MMRN1: variants seen among roughly 807,000 people sequenced by gnomAD.
The protein encoded by MMRN1 is multimerin 1, also known as multimerin-1.
A neutral mutation model predicts 100.7 loss-of-function variants in MMRN1; 94 were observed. The ratio of observed to expected loss-of-function variants is 0.93; its 90% confidence interval spans 0.79 to 1.11. The LOEUF is 1.11. Ranked by LOEUF, MMRN1 falls within the 50% of genes least tolerant of loss-of-function variation. MMRN1 has a pLI of 0.00. For synonymous variants in MMRN1, 575 were observed against 505.0 expected (o/e 1.14, Z -1.86); for missense variants, 1,606 against 1,439.1 (o/e 1.12, Z -1.88).
chr4:89,899,689 A>G (rs1353574436), intron 1 of MMRN1, among the ~76,000 whole-genome samples: 1 of 152,084 alleles, frequency 6.6e-6, no homozygotes, highest in African/African-American at 2.4e-5. Flanking sequence ...CTTAATTTTT[A>G]CCAAATCAGT....
chr4:89,912,359 G>A (rs1441041704), intron 3 of MMRN1, among the ~76,000 whole-genome samples: 1 of 151,192 alleles, frequency 6.6e-6, no homozygotes, highest in Admixed American at 6.6e-5. Context: ...TATCAGGAAT[G>A]CTAATTTTCA....
At chr4:89,898,173 C>T (rs1364473218) in intron 1 of MMRN1, among the ~76,000 whole-genome samples, 1 of 152,040 alleles carries the variant, frequency 6.6e-6, no homozygotes. Context: ...AGAAGTCCTT[C>T]GTACTTTCAT....
At chr4:89,897,148 T>G (rs924804064) in intron 1 of MMRN1, among the ~76,000 whole-genome samples, 1 of 152,160 alleles carries the variant, frequency 6.6e-6, no homozygotes, top group Admixed American at 6.6e-5. Context: ...AAAAACTAAT[T>G]ACAGTAAAAC....
At chr4:89,927,136 A>C (rs1001219866) in intron 4 of MMRN1, among the ~76,000 whole-genome samples, 2 of 150,940 alleles carry the variant, frequency 1.3e-5, no homozygotes, top group African/African-American at 4.9e-5. Flanking sequence ...GTTGTTCCAT[A>C]TAAATTTTAG....
chr4:89,933,605 A>G (rs1442952678), intron 5 of MMRN1, among the ~76,000 whole-genome samples: 1 of 152,202 alleles, frequency 6.6e-6, no homozygotes, highest in Non-Finnish European at 1.5e-5. Context: ...GCAAAGCCAC[A>G]TCTTACACGG....
intron 4 of MMRN1, among the ~76,000 whole-genome samples, chr4:89,924,859 A>G (rs1722199452): frequency 6.6e-6 from 1 of 152,030 alleles, no homozygotes; most frequent in South Asian, 2.1e-4. Flanking sequence ...AAAATTAAAA[A>G]TTAAGTGTTT....
intron 1 of MMRN1, among the ~76,000 whole-genome samples, chr4:89,888,728 C>A (rs1020555453): frequency 6.6e-6 from 1 of 152,038 alleles, no homozygotes; most frequent in African/African-American, 2.4e-5. Context: ...TGCTATCAAG[C>A]TTATCAAATG....
intron 6 of MMRN1, among the ~76,000 whole-genome samples, chr4:89,949,320 A>G (rs1723086573): frequency 1.3e-5 from 2 of 152,222 alleles, no homozygotes; most frequent in Non-Finnish European, 2.9e-5. Flanking sequence ...ATCAAATTAC[A>G]TAAATAAGTT....
At chr4:89,911,717 A>T (rs1721756211) in intron 2 of MMRN1, among the ~76,000 whole-genome samples, 1 of 151,412 alleles carries the variant, frequency 6.6e-6, no homozygotes, top group African/African-American at 2.4e-5. Flanking sequence ...GCAGGTATCA[A>T]TTTAAAATAC....
chr4:89,895,705 G>C (rs1721184623), intron 1 of MMRN1, 111 bp downstream of exon 1: 1 of 1,420,138 alleles, frequency 7.0e-7, no homozygotes, highest in Non-Finnish European at 9.3e-7. Flanking sequence ...GATGAAATTG[G>C]ATCATATTTA....
At chr4:89,928,696 A>C (rs1722342260) in intron 5 of MMRN1, among the ~76,000 whole-genome samples, 1 of 152,048 alleles carries the variant, frequency 6.6e-6, no homozygotes, top group Non-Finnish European at 1.5e-5. Context: ...GCATTTCTTG[A>C]CTCATCATCC....
intron 1 of MMRN1, among the ~76,000 whole-genome samples, chr4:89,886,273 A>T (rs968385460): frequency 6.6e-6 from 1 of 152,132 alleles, no homozygotes; most frequent in Non-Finnish European, 1.5e-5. Flanking sequence ...TCAGTTACAC[A>T]TATTTAAGAC....
At chr4:89,951,543 T>A in intron 6 of MMRN1, 62 bp from the exon 7 acceptor site, 1 of 1,421,672 alleles carries the variant, frequency 7.0e-7, no homozygotes, top group Non-Finnish European at 9.2e-7. Flanking sequence ...AACTACGATT[T>A]GAGATCAACA....
At chr4:89,910,400 C>A (rs989099373) in intron 2 of MMRN1, among the ~76,000 whole-genome samples, 2 of 151,310 alleles carry the variant, frequency 1.3e-5, no homozygotes, top group Non-Finnish European at 3.0e-5. Context: ...TTATTTTTTT[C>A]TTTTCTTTAA....
chr4:89,930,236 G>A lies in MMRN1; in HGVS notation c.1129+2268G>A, dbSNP rs113142901. Among the ~76,000 whole-genome samples the A allele has an allele frequency of 6.0e-3, 917 of 152,246 alleles. 11 individuals carry two copies. The highest frequency in any genetic ancestry group is 0.021 in the African/African-American group (882 of 41,566). ...TAGAAATGTTACCTGAAAAGCTTCTGATCCCAAAACACATTTTTAAGCTAA... is the reference window on the plus strand; with the variant it reads ...TAGAAATGTTACCTGAAAAGCTTCTAATCCCAAAACACATTTTTAAGCTAA... On this transcript the variant is annotated intron_variant, in intron 5 of 7. Coordinates refer to ENST00000264790, the MANE Select transcript of MMRN1 (RefSeq NM_007351.3).
chr4:89,912,034 G>C lies in MMRN1; in HGVS notation c.834G>C (p.Pro278=). The change falls in exon 3 of 8, where the codon CCG becomes CCC. Residue 278 remains proline (P), a synonymous_variant. Coordinates refer to ENST00000264790, the MANE Select transcript of MMRN1 (RefSeq NM_007351.3). ...GGTGCTGTCCTGGATACAGTGGGCC[G>C]AAATGTCAACTAAGAGGTACACTCT... is the stretch of plus-strand genomic sequence containing the variant. ...DWRCCPGYSG[P]KCQLRAQEQQ... 6.3e-7 allele frequency: 1 copy of C among 1,593,988 alleles called. No homozygotes were observed. The highest frequency in any genetic ancestry group is 8.6e-7 in the Non-Finnish European group (1 of 1,168,126).
In MMRN1 at chr4:89,935,256, G is replaced by A. The variant is rs778039515; in HGVS notation, c.1576G>A (p.Val526Ile). Residue 526 changes from valine to isoleucine, a missense_variant, in exon 6 of 8, where the codon GTA (valine) becomes ATA (isoleucine). Coordinates refer to ENST00000264790, the MANE Select transcript of MMRN1 (RefSeq NM_007351.3). ...TGAGCAGCTTTTATCAACTGAACAG[G>A]TATCAGACCAGAAGAATGCTCCAGC... ...VHEQLLSTEQ[V>I]SDQKNAPAAE... The A allele has an allele frequency of 8.1e-6, 13 of 1,613,584 alleles. No individual in the cohort carries two copies. The South Asian group carries it at 1.4e-4, about 18-fold the overall frequency.
At chr4:89,951,988 G>C (rs573815505) in intron 7 of MMRN1, among the ~76,000 whole-genome samples, 53 of 152,124 alleles carry the variant, frequency 3.5e-4, no homozygotes, top group African/African-American at 1.2e-3. Flanking sequence ...CTATATAGAG[G>C]CAGTTTATGG....
chr4:89,882,148 A>G (rs577687172), intron 1 of MMRN1, among the ~76,000 whole-genome samples: 1 of 151,906 alleles, frequency 6.6e-6, no homozygotes, highest in Admixed American at 6.6e-5. Flanking sequence ...GTTGTCTCTT[A>G]ATTTTACTAC....
Sources: gnomAD v4.1 joint callset for allele counts (sites outside exome capture counted in the v4.1 genomes callset) on GRCh38, gnomAD v4.1.1 for gene constraint, MANE v1.5 for transcripts, NCBI Gene and HGNC (gene_info 2026-07-23, HGNC 2026-07-21) for gene names.